Variants in PPP2R2C observed in about 807,000 individuals in gnomAD.
PPP2R2C encodes protein phosphatase 2, regulatory subunit B, gamma.
PPP2R2C carries 10 observed loss-of-function variants against 45.3 expected under a neutral mutation model. The ratio of observed to expected loss-of-function variants is 0.22; its 90% confidence interval spans 0.14 to 0.37. The LOEUF is 0.37. Ranked by LOEUF, PPP2R2C falls within the 10% of genes least tolerant of loss-of-function variation. PPP2R2C has a pLI of 1.00. For synonymous variants in PPP2R2C, 257 were observed against 245.4 expected, an observed-to-expected ratio of 1.05 and a Z score of -0.44; for missense variants, 308 against 619.7, an observed-to-expected ratio of 0.50 and a Z score of 5.34.
intron 1 of PPP2R2C, among the ~76,000 whole-genome samples, chr4:6,456,239 G>C (rs965344084): frequency 2.0e-5 from 3 of 152,270 alleles, no homozygotes; most frequent in African/African-American, 7.2e-5. Flanking sequence ...ATCTGCAGGG[G>C]GTAGTTAGAA....
At chr4:6,342,899 A>G (rs745879558) in intron 6 of PPP2R2C, among the ~76,000 whole-genome samples, 1 of 151,774 alleles carries the variant, frequency 6.6e-6, no homozygotes, top group Non-Finnish European at 1.5e-5. Context: ...CATCTGTCCA[A>G]TGGCAGAAAT....
intron 1 of PPP2R2C, among the ~76,000 whole-genome samples, chr4:6,469,122 C>T (rs1038234699): frequency 2.2e-5 from 3 of 139,374 alleles, no homozygotes; most frequent in South Asian, 4.7e-4. Flanking sequence ...CCTGCTCTGA[C>T]GAATTCACAC....
At chr4:6,486,056 G>T (rs1722518769) in intron 2 of PPP2R2C, among the ~76,000 whole-genome samples, 1 of 151,872 alleles carries the variant, frequency 6.6e-6, no homozygotes, top group African/African-American at 2.4e-5. Flanking sequence ...TATGGTTTTA[G>T]CGACATCTCA....
At chr4:6,369,614 G>A (rs574410930) in intron 5 of PPP2R2C, among the ~76,000 whole-genome samples, 1 of 152,304 alleles carries the variant, frequency 6.6e-6, no homozygotes, top group African/African-American at 2.4e-5. Flanking sequence ...CCCCCTGCCT[G>A]CACCATCCAC....
At chr4:6,511,442 CGGT>C (rs1168301630) in intron 2 of PPP2R2C, among the ~76,000 whole-genome samples, 6 of 51,604 alleles carry the variant, frequency 1.2e-4, no homozygotes, top group East Asian at 6.6e-4. Context: ...GTGGTGGTGA[CGGT>C]GGTGGTGGTG....
At chr4:6,430,609 T>C (rs1719561334) in intron 1 of PPP2R2C, among the ~76,000 whole-genome samples, 1 of 152,168 alleles carries the variant, frequency 6.6e-6, no homozygotes, top group Admixed American at 6.5e-5. Context: ...TTTGTAATCC[T>C]ATCCACTCCT....
intron 1 of PPP2R2C, among the ~76,000 whole-genome samples, chr4:6,397,249 C>A (rs923499069): frequency 6.6e-6 from 1 of 152,238 alleles, no homozygotes; most frequent in Admixed American, 6.5e-5. Flanking sequence ...ACAGCAGAGA[C>A]CAGGACAGGG....
chr4:6,462,188 A>G (rs796264190), intron 1 of PPP2R2C, among the ~76,000 whole-genome samples: 21 of 152,372 alleles, frequency 1.4e-4, no homozygotes, highest in African/African-American at 5.0e-4. Flanking sequence ...GGCAAATGGA[A>G]TCCAGGCACA....
At chr4:6,413,651 C>T (rs572393381) in intron 1 of PPP2R2C, among the ~76,000 whole-genome samples, 1 of 152,332 alleles carries the variant, frequency 6.6e-6, no homozygotes, top group African/African-American at 2.4e-5. Flanking sequence ...TGCACCACAG[C>T]ACTCACCTGT....
intron 1 of PPP2R2C, among the ~76,000 whole-genome samples, chr4:6,536,365 A>T (rs1017835682): frequency 6.6e-6 from 1 of 152,242 alleles, no homozygotes; most frequent in Non-Finnish European, 1.5e-5. Context: ...GAAGACAAAG[A>T]TGAAAAGCTC....
At chr4:6,507,572 T>C (rs566829497) in intron 2 of PPP2R2C, among the ~76,000 whole-genome samples, 7 of 152,354 alleles carry the variant, frequency 4.6e-5, no homozygotes, top group African/African-American at 1.7e-4. Context: ...CTGAGGCACC[T>C]TGGATGACCC....
intron 1 of PPP2R2C, among the ~76,000 whole-genome samples, chr4:6,449,898 G>A (rs1720644807): frequency 6.6e-6 from 1 of 152,236 alleles, no homozygotes. Context: ...TCGCCAGAGA[G>A]GACTGAAAAC....
chr4:6,325,658 G>A (rs564487503), intron 8 of PPP2R2C, among the ~76,000 whole-genome samples: 1 of 152,238 alleles, frequency 6.6e-6, no homozygotes, highest in South Asian at 2.1e-4. Flanking sequence ...CAGCTGACAC[G>A]TGCTCTGGGG....
chr4:6,539,660 C>A (rs1724743675), intron 1 of PPP2R2C, among the ~76,000 whole-genome samples: 1 of 152,202 alleles, frequency 6.6e-6, no homozygotes, highest in Non-Finnish European at 1.5e-5. Context: ...CGCCTGCCGA[C>A]CAGGCAGTGG....
chr4:6,327,409 G>C (rs919921634), intron 8 of PPP2R2C, among the ~76,000 whole-genome samples: 1 of 152,214 alleles, frequency 6.6e-6, no homozygotes, highest in African/African-American at 2.4e-5. Flanking sequence ...GGGATGCTTG[G>C]CGGCTTCTCC....
intron 1 of PPP2R2C, among the ~76,000 whole-genome samples, chr4:6,387,069 AT>A (rs1716264729): frequency 6.6e-6 from 1 of 152,134 alleles, no homozygotes; most frequent in Admixed American, 6.5e-5. Context: ...GAGAAAAAAA[AT>A]TTTTTTAAAA....
chr4:6,525,178 T>G (rs948232622), intron 2 of PPP2R2C, among the ~76,000 whole-genome samples: 6 of 151,934 alleles, frequency 3.9e-5, no homozygotes, highest in African/African-American at 1.5e-4. Context: ...GCCGAGATGG[T>G]TGGATCATCT....
At position 6,449,663 on chromosome 4, in the gene PPP2R2C, A is replaced by G. The variant is rs569908615; in HGVS notation, c.70+22497T>C. On this transcript the variant is annotated intron_variant, in intron 1 of 8. Transcript: ENST00000382599. The stretch of plus-strand genomic sequence containing the variant: ...AGGAAAACAAATCTCTAAGTCCCCA[A>G]GCACCAGGTCCCCCAGGCAGTCCAC... Among the ~76,000 whole-genome samples the G allele has an allele frequency of 2.0e-5, 3 of 152,354 alleles. No homozygotes were observed. In the East Asian group the frequency reaches 5.8e-4, roughly 29 times the overall value.
intron 1 of PPP2R2C, among the ~76,000 whole-genome samples, chr4:6,404,074 G>C (rs4689434): frequency 0.41 from 62,734 of 151,958 alleles, 13,992 homozygotes; most frequent in East Asian, 0.84. Flanking sequence ...CTCATGCTGA[G>C]GTGCTCAGCA....
Sources: allele counts gnomAD v4.1 joint callset (sites outside exome capture counted in the v4.1 genomes callset), GRCh38; gene constraint gnomAD v4.1.1; transcripts MANE v1.5; gene names NCBI Gene and HGNC (gene_info 2026-07-23, HGNC 2026-07-21).